Variants in ING5 observed in about 807,000 individuals in gnomAD.
The protein encoded by ING5 is inhibitor of growth family member 5.
ING5 carries 17 observed loss-of-function variants against 37.4 expected under a neutral mutation model. That is an observed-to-expected ratio of 0.45 (90% confidence interval 0.31 to 0.68). The LOEUF (loss-of-function observed/expected upper bound fraction) is 0.68. ING5 is among the 30% of genes least tolerant of loss of function. The pLI is 0.05. For missense variants in ING5, 233 were observed against 311.9 expected, an observed-to-expected ratio of 0.75 and a Z score of 1.91; for synonymous variants, 123 against 116.6, an observed-to-expected ratio of 1.06 and a Z score of -0.36.
chr2:241,702,004 C>T (rs2069740021), upstream of ING5: 1 of 1,250,524 alleles, frequency 8.0e-7, no homozygotes, highest in African/African-American at 1.6e-5. Flanking sequence ...TGGCACCGCC[C>T]CGCCCCCGCC....
chr2:241,709,948 T>A (rs1032451084), intron 3 of ING5, among the ~76,000 whole-genome samples: 5 of 151,864 alleles, frequency 3.3e-5, no homozygotes, highest in Non-Finnish European at 5.9e-5. Context: ...ATTTTATTTA[T>A]TTATTTATTT....
At chr2:241,721,852 T>C in intron 5 of ING5, 6 of 985,572 alleles carry the variant, frequency 6.1e-6, no homozygotes, top group Non-Finnish European at 7.2e-6. Context: ...AGGTCTGTGG[T>C]CCTGGTGGGA....
At position 241,727,815 on chromosome 2, in the gene ING5, GT is replaced by G. The variant is rs1466447232; in HGVS notation, c.*2786del. On this transcript the variant is annotated 3_prime_UTR_variant, in exon 8 of 8. Transcript: ENST00000313552. The stretch of plus-strand genomic sequence containing the variant: ...GCTACCCCTGGAAAGCGCTGGGGTT[GT>G]TGATGCTTTTGGCTGCCCGGCTTCC... The G allele has an allele frequency of 6.6e-6, 1 of 152,242 alleles. No individual in the cohort carries two copies. The highest frequency in any genetic ancestry group is 1.5e-5 in the Non-Finnish European group (1 of 68,064). The allele number at this position is 152,242 out of a possible 1,614,324, so 9.4% of individuals were successfully genotyped here.
chr2:241,695,210 T>G (rs2069614601), intron 2 of ING5, among the ~76,000 whole-genome samples: 1 of 151,772 alleles, frequency 6.6e-6, no homozygotes, highest in Non-Finnish European at 1.5e-5. Context: ...CCCAGCCTCC[T>G]GGGACTCTGT....
upstream of ING5, among the ~76,000 whole-genome samples, chr2:241,698,182 C>T (rs1050570942): frequency 1.3e-5 from 2 of 151,530 alleles, no homozygotes; most frequent in African/African-American, 4.9e-5. Context: ...TGGTGGCTCA[C>T]GCCTGTAATC....
rs1559314523 is a variant in ING5, at chr2:241,723,016, C to T, written c.560C>T (p.Thr187Met). The T allele has an allele frequency of 1.2e-6, 2 of 1,614,230 alleles. No homozygotes were observed. The highest frequency in any genetic ancestry group is 1.7e-6 in the Non-Finnish European group (2 of 1,180,042). Reference sequence around the variant, plus strand: ...ATGCCCGTGGACCCAAACGAACCCACGTACTGCCTGTGCCACCAGGTCTCC... The same window carrying T: ...ATGCCCGTGGACCCAAACGAACCCATGTACTGCCTGTGCCACCAGGTCTCC... ...LDMPVDPNEP[T>M]YCLCHQVSYG... Residue 187 changes from threonine to methionine, a missense_variant, in exon 6 of 8, where the codon ACG becomes ATG. Thr to Met is a moderately conservative substitution (Grantham distance 81). Around this residue, in one of 4 missense-constraint regions of ING5, gnomAD observed 45 missense variants for 98.2 expected, o/e 0.46. Coordinates refer to ENST00000313552, the MANE Select transcript of ING5 (RefSeq NM_032329.6).
At chr2:241,694,509 T>C (rs1474380198) in intron 2 of ING5, among the ~76,000 whole-genome samples, 2 of 151,726 alleles carry the variant, frequency 1.3e-5, no homozygotes, top group Non-Finnish European at 2.9e-5. Context: ...GCAACAAATA[T>C]GTTAAAAAAA....
chr2:241,721,803 C>G (rs147745782), intron 5 of ING5: 3 of 985,342 alleles, frequency 3.0e-6, no homozygotes, highest in Admixed American at 6.1e-5. Flanking sequence ...TAAATTTCCC[C>G]CTAAGTGCAT....
At chr2:241,687,064 C>T (rs35925884), upstream of ING5, 161,349 of 403,092 alleles carry the variant, frequency 0.4, 33,300 homozygotes, top group Middle Eastern at 0.48. Context: ...GGGCCCTTCG[C>T]TCCGGGAGGG....
At chr2:241,723,944 A>G (rs1214470023) in intron 7 of ING5, 10 of 1,275,520 alleles carry the variant, frequency 7.8e-6, no homozygotes, top group Non-Finnish European at 9.8e-6. Context: ...TGGAAGTCCG[A>G]GGCTTCAGTG....
At chr2:241,712,319 G>A in intron 5 of ING5, 1 of 410,974 alleles carries the variant, frequency 2.4e-6, no homozygotes, top group Non-Finnish European at 4.4e-6. Context: ...GGTGCGGCTG[G>A]GCTGCACCTG....
At chr2:241,702,299 G>C (rs867236250) in intron 1 of ING5, among the ~76,000 whole-genome samples, 197 bp downstream of exon 1, 1 of 149,212 alleles carries the variant, frequency 6.7e-6, no homozygotes, top group East Asian at 1.9e-4. Context: ...GGGCGCGGGG[G>C]GTCCCGCCGG....
At chr2:241,705,419 A>C (rs1412316046) in intron 2 of ING5, among the ~76,000 whole-genome samples, 1 of 94,934 alleles carries the variant, frequency 1.1e-5, no homozygotes, top group Non-Finnish European at 2.0e-5. Context: ...TTTTTTTGAG[A>C]CAGAGTCTCA....
chr2:241,721,961 G>T, intron 5 of ING5: 2 of 985,344 alleles, frequency 2.0e-6, no homozygotes, highest in Non-Finnish European at 2.4e-6. Context: ...AGCTGATGGG[G>T]ATGAAGGAGT....
chr2:241,716,847 C>T (rs1156413170), intron 5 of ING5, among the ~76,000 whole-genome samples: 1 of 152,132 alleles, frequency 6.6e-6, no homozygotes, highest in Non-Finnish European at 1.5e-5. Context: ...GTTGAACTCA[C>T]AGAAGTAGAG....
At chr2:241,708,428 C>G (rs1252442459) in intron 2 of ING5, among the ~76,000 whole-genome samples, 1 of 151,722 alleles carries the variant, frequency 6.6e-6, no homozygotes, top group Admixed American at 6.6e-5. Flanking sequence ...AGGATGGTCT[C>G]GATCTCCTGA....
chr2:241,702,677 C>T (rs2069780516), intron 1 of ING5, among the ~76,000 whole-genome samples: 1 of 152,222 alleles, frequency 6.6e-6, no homozygotes, highest in Admixed American at 6.5e-5. Flanking sequence ...GGTGCCGAGT[C>T]GGCCCTGGTG....
chr2:241,703,592 A>AGT (rs2069810724), intron 1 of ING5, among the ~76,000 whole-genome samples: 1 of 150,714 alleles, frequency 6.6e-6, no homozygotes, highest in Admixed American at 6.6e-5. Context: ...CAGCTCAGAG[A>AGT]GAACATTTCT....
chr2:241,708,630 C>T (rs2070000150), intron 2 of ING5, among the ~76,000 whole-genome samples: 1 of 152,170 alleles, frequency 6.6e-6, no homozygotes, highest in Admixed American at 6.5e-5. Context: ...GTCACCTTCT[C>T]TGGGAATCAT....
Sources: gnomAD v4.1 joint callset for allele counts (sites outside exome capture counted in the v4.1 genomes callset) on GRCh38, gnomAD v4.1.1 for gene constraint, gnomAD v4.1.1 regional missense constraint, MANE v1.5 for transcripts, NCBI Gene and HGNC (gene_info 2026-07-23, HGNC 2026-07-21) for gene names.